ADIPOR2: variants seen among roughly 807,000 people sequenced by gnomAD.
ADIPOR2 encodes the protein adiponectin receptor 2.
ADIPOR2 carries 18 observed loss-of-function variants against 40.9 expected under a neutral mutation model. That is an observed-to-expected ratio of 0.44 (90% confidence interval 0.30 to 0.65). ADIPOR2 has a LOEUF of 0.65. Among genes scored for constraint, ADIPOR2 ranks in the 30% least tolerant of loss-of-function variants. The pLI is 0.09. For synonymous variants in ADIPOR2, 165 were observed against 166.4 expected (o/e 0.99, Z 0.06); for missense variants, 283 against 479.2 (o/e 0.59, Z 3.82).
Position 1,786,300 on chromosome 12 carries a change from GCCCAAA to G in ADIPOR2, c.*232_*237del, listed in dbSNP as rs1246315025. 1 of 494,694 alleles carries G rather than the reference GCCCAAA, an allele frequency of 2.0e-6. No individual in the cohort carries two copies. The highest frequency in any genetic ancestry group is 3.9e-5 in the Admixed American group (1 of 25,658). The allele number at this position is 494,694 out of a possible 1,614,324, so 30.6% of individuals were successfully genotyped here. ...ATCAATTGGGAGAAAAGGAGACATA[GCCCAAA>G]CCCTGGCTTATTCTTGGGATCTACT... On this transcript the variant is annotated 3_prime_UTR_variant, in exon 8 of 8. Coordinates refer to ENST00000357103, the MANE Select transcript of ADIPOR2 (RefSeq NM_024551.3).
intron 2 of ADIPOR2, among the ~76,000 whole-genome samples, chr12:1,770,801 A>G (rs981009474): frequency 1.3e-5 from 2 of 152,344 alleles, no homozygotes; most frequent in Admixed American, 1.3e-4. Context: ...AGAGGCACAG[A>G]CTTAAGTGCT....
chr12:1,718,461 T>C (rs2094691842), intron 1 of ADIPOR2, among the ~76,000 whole-genome samples: 1 of 152,212 alleles, frequency 6.6e-6, no homozygotes, highest in Non-Finnish European at 1.5e-5. Flanking sequence ...TCAGATTTTT[T>C]TTTTTAACTG....
chr12:1,692,018 C>G (rs983487969), intron 1 of ADIPOR2, among the ~76,000 whole-genome samples: 1 of 149,448 alleles, frequency 6.7e-6, no homozygotes, highest in Non-Finnish European at 1.5e-5. Flanking sequence ...ATAAGATGTT[C>G]TTTTAATTTT....
At chr12:1,776,505 T>C (rs1862599518) in intron 3 of ADIPOR2, among the ~76,000 whole-genome samples, 1 of 152,226 alleles carries the variant, frequency 6.6e-6, no homozygotes. Context: ...GCCTGCCATT[T>C]TTCCTTACAT....
rs1046075113 is a variant in ADIPOR2 at position 1,786,742 on chromosome 12, C to G, written c.*670C>G. 3 of 152,604 alleles carry G rather than the reference C, an allele frequency of 2.0e-5. No individual in the cohort carries two copies. Among genetic ancestry groups the G allele is most frequent in the African/African-American group, 7.2e-5 (3 of 41,422 alleles). The allele number at this position is 152,604 out of a possible 1,614,324, so 9.5% of individuals were successfully genotyped here. A position where few individuals can be genotyped will look rare whatever the true frequency, so the allele number is the denominator to read the frequency against. The stretch of plus-strand genomic sequence containing the variant: ...GTGTCTTGGTGCACCAAGATGCCTT[C>G]TAAAGGCTGACATACCTTGGACCCT... On this transcript the variant is annotated 3_prime_UTR_variant, in exon 8 of 8. Transcript: ENST00000357103.
rs1233250996 is a variant in ADIPOR2 at position 1,729,367 on chromosome 12, T to C, written c.-86-24891T>C. ...ATATAGTTTAAAAATTATTAAATATTAGGGAGCCTTCTGCTTCATTGGGAC... is the reference window on the plus strand; with the variant it reads ...ATATAGTTTAAAAATTATTAAATATCAGGGAGCCTTCTGCTTCATTGGGAC... On this transcript the variant is annotated intron_variant, in intron 1 of 7. Coordinates refer to ENST00000357103, the MANE Select transcript of ADIPOR2 (RefSeq NM_024551.3). Among the ~76,000 whole-genome samples, 4 of 152,102 alleles carry C rather than the reference T, an allele frequency of 2.6e-5. No individual in the cohort carries two copies. The East Asian group carries it at 7.7e-4, about 29-fold the overall frequency.
chr12:1,767,343 A>G (rs1174529103), intron 2 of ADIPOR2, among the ~76,000 whole-genome samples: 1 of 151,130 alleles, frequency 6.6e-6, no homozygotes, highest in African/African-American at 2.4e-5. Context: ...GATTTTAAAG[A>G]TCTTTTCCAT....
intron 1 of ADIPOR2, among the ~76,000 whole-genome samples, chr12:1,753,011 C>G (rs1862035121): frequency 6.6e-6 from 1 of 152,110 alleles, no homozygotes; most frequent in African/African-American, 2.4e-5. Context: ...TGGAGAAATC[C>G]TACAGCAAAT....
At chr12:1,755,860 T>C (rs1177223081) in intron 2 of ADIPOR2, among the ~76,000 whole-genome samples, 1 of 152,226 alleles carries the variant, frequency 6.6e-6, no homozygotes. Flanking sequence ...AGTGTGTATA[T>C]AGTAAGTAAT....
intron 1 of ADIPOR2, among the ~76,000 whole-genome samples, chr12:1,740,026 C>T (rs1048321152): frequency 5.9e-5 from 9 of 151,898 alleles, no homozygotes; most frequent in East Asian, 1.9e-4. Flanking sequence ...TGCTTGAACC[C>T]GGGAGGCAGA....
intron 3 of ADIPOR2, 47 bp from the exon 4 acceptor site, chr12:1,777,807 A>C: frequency 1.3e-6 from 2 of 1,570,594 alleles, no homozygotes; most frequent in South Asian, 2.4e-5. Flanking sequence ...GTGTTGGTAA[A>C]TTGACAACTA....
At chr12:1,698,546 A>G (rs1035731357) in intron 1 of ADIPOR2, among the ~76,000 whole-genome samples, 2 of 152,086 alleles carry the variant, frequency 1.3e-5, no homozygotes, top group Non-Finnish European at 2.9e-5. Context: ...TTTAAAATTA[A>G]TATTTGTGGC....
chr12:1,751,061 C>A (rs1485626453), intron 1 of ADIPOR2, among the ~76,000 whole-genome samples: 1 of 148,456 alleles, frequency 6.7e-6, no homozygotes, highest in African/African-American at 2.5e-5. Flanking sequence ...AGTAGGAGTT[C>A]ATTTTATTTC....
intron 1 of ADIPOR2, among the ~76,000 whole-genome samples, chr12:1,744,607 G>T (rs1410967405): frequency 1.3e-5 from 2 of 152,200 alleles, no homozygotes; most frequent in Non-Finnish European, 2.9e-5. Context: ...AAAGTGCTGG[G>T]ATTACAGGTG....
rs773726684 is a variant in ADIPOR2 at position 1,780,644 on chromosome 12, A to G, written c.650+7A>G. ...TCTCTCGGCTCTTCTCTAAGTAAGT[A>G]TCTGTAAAGTCCGTATTTTGGCCAA... is the stretch of plus-strand genomic sequence containing the variant. On this transcript the variant is annotated splice_region_variant and intron_variant, in intron 5 of 7. Coordinates refer to ENST00000357103, the MANE Select transcript of ADIPOR2 (RefSeq NM_024551.3). 4.4e-6 allele frequency: 7 copies of G among 1,575,706 alleles called. No individual in the cohort carries two copies. The highest frequency in any genetic ancestry group is 3.5e-5 in the South Asian group (3 of 84,526).
intron 1 of ADIPOR2, 40 bp from the exon 2 acceptor site, chr12:1,754,218 A>C: frequency 1.2e-6 from 1 of 833,184 alleles, no homozygotes; most frequent in African/African-American, 1.7e-5. Flanking sequence ...TTTCCCCAGC[A>C]CTCCTTTAAT....
At chr12:1,704,519 G>A (rs1038664028) in intron 1 of ADIPOR2, among the ~76,000 whole-genome samples, 1 of 152,238 alleles carries the variant, frequency 6.6e-6, no homozygotes, top group South Asian at 2.1e-4. Flanking sequence ...GCTGGCTACA[G>A]ACCTTGGAAA....
intron 2 of ADIPOR2, among the ~76,000 whole-genome samples, chr12:1,771,387 C>T (rs1010198517): frequency 3.4e-5 from 5 of 146,016 alleles, no homozygotes; most frequent in African/African-American, 1.3e-4. Flanking sequence ...AACGCTGTCT[C>T]AAACTAAAAA....
intron 1 of ADIPOR2, among the ~76,000 whole-genome samples, chr12:1,732,614 T>C (rs760327808): frequency 2.0e-5 from 3 of 152,256 alleles, no homozygotes; most frequent in Non-Finnish European, 4.4e-5. Flanking sequence ...AAAGCTACTA[T>C]AAACACTTGT....
Sources: gnomAD v4.1 joint callset for allele counts (sites outside exome capture counted in the v4.1 genomes callset) on GRCh38, gnomAD v4.1.1 for gene constraint, MANE v1.5 for transcripts, NCBI Gene and HGNC (gene_info 2026-07-23, HGNC 2026-07-21) for gene names.